Variants in ZDHHC11 observed in about 807,000 individuals in gnomAD.
ZDHHC11 encodes the protein zDHHC palmitoyltransferase 11.
Under a neutral mutation model 51.3 loss-of-function variants are expected in ZDHHC11, and 44 were observed. The observed-to-expected ratio is 0.86, with a 90% CI of 0.67 to 1.10. The LOEUF (loss-of-function observed/expected upper bound fraction) is 1.10. ZDHHC11 is among the 50% of genes least tolerant of loss of function. The probability of loss-of-function intolerance (pLI) is 0.00; values close to 1 mark genes in which losing one functional copy is unlikely to be tolerated. For missense variants in ZDHHC11, 400 were observed against 537.7 expected (o/e 0.74, Z 2.53); for synonymous variants, 163 against 222.0 (o/e 0.73, Z 2.36).
rs538459885 is a variant in ZDHHC11, at chr5:813,425, G to A, written c.1181+1336C>T. ...GCTGGGTGCACTCATCTGTGAGGGG[G>A]AGACCGGGAGGCATGCGGTGACCTC... On this transcript the variant is annotated intron_variant, in intron 11 of 12. Transcript: ENST00000283441. Among the ~76,000 whole-genome samples, 3 of 142,948 alleles carry A rather than the reference G, an allele frequency of 2.1e-5. 1 individual carries two copies. In the East Asian group the frequency reaches 6.4e-4, roughly 31 times the overall value. The allele number at this position is 142,948 out of a possible 152,430, so 93.8% of individuals were successfully genotyped here. A position where few individuals can be genotyped will look rare whatever the true frequency, so the allele number is the denominator to read the frequency against.
intron 10 of ZDHHC11, among the ~76,000 whole-genome samples, chr5:818,890 C>T (rs188142265): frequency 3.2e-4 from 49 of 151,436 alleles, no homozygotes; most frequent in African/African-American, 9.4e-4. Context: ...CAGTAGAAAC[C>T]GCTGGAAGCT....
intron 3 of ZDHHC11, among the ~76,000 whole-genome samples, chr5:846,099 C>T (rs1390120762): frequency 6.6e-6 from 1 of 150,494 alleles, no homozygotes; most frequent in Non-Finnish European, 1.5e-5. Flanking sequence ...TGCTCTTCTC[C>T]AGGGGAGGAG....
chr5:800,610 T>TA (rs1259310551), intron 12 of ZDHHC11, among the ~76,000 whole-genome samples: 1 of 151,388 alleles, frequency 6.6e-6, no homozygotes, highest in African/African-American at 2.4e-5. Flanking sequence ...TTCTAGTGAG[T>TA]AAACTTTCCC....
At chr5:815,466 AC>A (rs1740663505) in intron 10 of ZDHHC11, among the ~76,000 whole-genome samples, 1 of 151,592 alleles carries the variant, frequency 6.6e-6, no homozygotes, top group Non-Finnish European at 1.5e-5. Context: ...GCTTTGCCAA[AC>A]TGCTCGCCAA....
At chr5:816,493 T>G in intron 10 of ZDHHC11, 1 of 503,522 alleles carries the variant, frequency 2.0e-6, no homozygotes, top group Non-Finnish European at 4.0e-6. Context: ...AACGGACAAG[T>G]GGGATGGATC....
intron 11 of ZDHHC11, among the ~76,000 whole-genome samples, chr5:802,093 C>T (rs1394623046): frequency 6.6e-6 from 1 of 151,304 alleles, no homozygotes; most frequent in African/African-American, 2.4e-5. Flanking sequence ...CCAGGAATTG[C>T]CACAGAGGAG....
chr5:813,261 A>T (rs1385978488), intron 11 of ZDHHC11, among the ~76,000 whole-genome samples: 1 of 141,842 alleles, frequency 7.1e-6, no homozygotes, highest in Non-Finnish European at 1.5e-5. Context: ...CCAAGTGGCA[A>T]AGGTTGTAGT....
intron 12 of ZDHHC11, among the ~76,000 whole-genome samples, chr5:797,138 C>T (rs1307709213): frequency 8.6e-5 from 13 of 151,260 alleles, no homozygotes; most frequent in South Asian, 8.4e-4. Context: ...ACCCGGGAGG[C>T]GGAGTTTGCA....
chr5:848,862 C>T (rs1746683025), intron 1 of ZDHHC11, among the ~76,000 whole-genome samples: 1 of 150,786 alleles, frequency 6.6e-6, no homozygotes, highest in Non-Finnish European at 1.5e-5. Flanking sequence ...GCCCTGTTCG[C>T]CTGGCCCTGC....
rs1157952080 is a variant in ZDHHC11 at position 846,676 on chromosome 5, TC to T, written c.503+837del. Reference sequence around the variant, plus strand: ...GGGAAATACCTCTCGCCTGTGAGCCTCCACCATGCTCAGGGGAAACACCTCT... The same window carrying T: ...GGGAAATACCTCTCGCCTGTGAGCCTCACCATGCTCAGGGGAAACACCTCT... On this transcript the variant is annotated intron_variant, in intron 3 of 12. Coordinates refer to ENST00000283441, the MANE Select transcript of ZDHHC11 (RefSeq NM_024786.3). 6.8e-5 allele frequency among the ~76,000 whole-genome samples: 10 copies of T among 146,282 alleles called. 1 individual carries two copies. Among genetic ancestry groups the T allele is most frequent in the African/African-American group, 2.6e-4 (10 of 38,716 alleles).
rs563892935 is a variant in ZDHHC11, at chr5:856,266, C to G, written c.-1+2608G>C. ...CATAAAACACACAACACACACCAAA[C>G]AGAAACCACAACACACAAAACACAA... On this transcript the variant is annotated intron_variant, in intron 1 of 3. Coordinates refer to the ZDHHC11 transcript ENST00000685990. 9.1e-3 allele frequency among the ~76,000 whole-genome samples: 1,375 copies of G among 150,888 alleles called. 23 individuals carry two copies. Among genetic ancestry groups the G allele is most frequent in the African/African-American group, 0.031 (1,271 of 40,768 alleles).
At chr5:847,317 G>A (rs1158439068) in intron 3 of ZDHHC11, among the ~76,000 whole-genome samples, 197 bp downstream of exon 3, 1 of 151,746 alleles carries the variant, frequency 6.6e-6, no homozygotes, top group African/African-American at 2.4e-5. Flanking sequence ...AGCTTGTCCA[G>A]GGACGGCTGC....
chr5:858,983 G>A (rs1190623733), upstream of ZDHHC11, among the ~76,000 whole-genome samples: 2 of 152,076 alleles, frequency 1.3e-5, no homozygotes, highest in Admixed American at 6.5e-5. Context: ...TGAGAAGTGG[G>A]TGGGCTGCCC....
chr5:809,470 A>G (rs1225255125), intron 11 of ZDHHC11, among the ~76,000 whole-genome samples: 1 of 149,658 alleles, frequency 6.7e-6, no homozygotes, highest in Non-Finnish European at 1.5e-5. Flanking sequence ...CATGTGAGTG[A>G]GATCTCACTC....
rs1746246053 is a variant in ZDHHC11 at position 846,726 on chromosome 5, CA to C, written c.503+787del. Among the ~76,000 whole-genome samples, 4 of 145,720 alleles carry C rather than the reference CA, an allele frequency of 2.7e-5. No individual in the cohort carries two copies. In the South Asian group the frequency reaches 8.8e-4, roughly 32 times the overall value. The stretch of plus-strand genomic sequence containing the variant: ...CTCGTCCTTGAGCCTCCACCATGCT[CA>C]GGGGAAACACCTCTCGTTCTTGAGC... On this transcript the variant is annotated intron_variant, in intron 3 of 12. Coordinates refer to ENST00000283441, the MANE Select transcript of ZDHHC11 (RefSeq NM_024786.3).
At chr5:834,798 C>T (rs1743596589) in intron 6 of ZDHHC11, among the ~76,000 whole-genome samples, 1 of 151,994 alleles carries the variant, frequency 6.6e-6, no homozygotes, top group South Asian at 2.1e-4. Flanking sequence ...AGCAATAAAG[C>T]ACTTTTAATT....
chr5:827,749 T>A lies in ZDHHC11; in HGVS notation c.936-2498A>T, dbSNP rs559566903. Among the ~76,000 whole-genome samples, 74 of 151,208 alleles carry A rather than the reference T, an allele frequency of 4.9e-4. 3 individuals are homozygous for A. Among genetic ancestry groups the A allele is most frequent in the Admixed American group, 1.7e-3 (26 of 15,238 alleles). Reference sequence around the variant, plus strand: ...ATTTATTTTTTTTTATTCTTTATTTTTTTTTTTTTATTGATCATTCTTGGG... The same window carrying A: ...ATTTATTTTTTTTTATTCTTTATTTATTTTTTTTTATTGATCATTCTTGGG... On this transcript the variant is annotated intron_variant, in intron 7 of 12. Transcript: ENST00000283441.
At chr5:804,329 A>G (rs1738931753) in intron 11 of ZDHHC11, among the ~76,000 whole-genome samples, 1 of 151,298 alleles carries the variant, frequency 6.6e-6, no homozygotes, top group South Asian at 2.1e-4. Flanking sequence ...TACAGGAAAA[A>G]ACATAGTGTA....
At chr5:859,107 G>A (rs1289008470), upstream of ZDHHC11, among the ~76,000 whole-genome samples, 1 of 152,054 alleles carries the variant, frequency 6.6e-6, no homozygotes, top group Non-Finnish European at 1.5e-5. Flanking sequence ...GACTCGGGTG[G>A]AGGTGAAATA....
Sources: allele counts gnomAD v4.1 joint callset (sites outside exome capture counted in the v4.1 genomes callset), GRCh38; gene constraint gnomAD v4.1.1; transcripts MANE v1.5; gene names NCBI Gene and HGNC (gene_info 2026-07-23, HGNC 2026-07-21).